Variants in KIFAP3 observed in about 807,000 individuals in gnomAD.
KIFAP3 encodes the protein kinesin associated protein 3.
In KIFAP3, 68 loss-of-function variants were observed where a neutral mutation model predicts 106.5. The observed-to-expected ratio is 0.64, with a 90% CI of 0.53 to 0.78. The LOEUF (loss-of-function observed/expected upper bound fraction) is 0.78, where lower values mean the gene tolerates loss of function less well. Ranked by LOEUF, KIFAP3 falls within the 30% of genes least tolerant of loss-of-function variation. The pLI, the probability that KIFAP3 is intolerant of heterozygous loss-of-function variation, is 0.00. For synonymous variants in KIFAP3, 320 were observed against 311.5 expected (o/e 1.03, Z -0.29); for missense variants, 780 against 941.8 (o/e 0.83, Z 2.25).
At chr1:169,932,925 A>AT (rs1319830536) in intron 19 of KIFAP3, among the ~76,000 whole-genome samples, 1 of 151,954 alleles carries the variant, frequency 6.6e-6, no homozygotes, top group Non-Finnish European at 1.5e-5. Context: ...TTGTGTCAAT[A>AT]TTTTTTAGTC....
chr1:169,960,088 T>C (rs1460699394), intron 18 of KIFAP3, among the ~76,000 whole-genome samples: 4 of 152,054 alleles, frequency 2.6e-5, no homozygotes, highest in Non-Finnish European at 5.9e-5. Flanking sequence ...TGAATGAAAG[T>C]GTGAGTGGTA....
At chr1:170,044,824 AATTCCAAGGTGAACAG>A (rs1670160069) in intron 3 of KIFAP3, among the ~76,000 whole-genome samples, 1 of 152,200 alleles carries the variant, frequency 6.6e-6, no homozygotes, top group East Asian at 1.9e-4. Context: ...TATGAATGGC[AATTCCAAGGTGAACAG>A]ACAACAATCT....
intron 1 of KIFAP3, among the ~76,000 whole-genome samples, chr1:170,055,953 G>A (rs761320407): frequency 2.0e-5 from 3 of 151,944 alleles, no homozygotes; most frequent in East Asian, 1.9e-4. Flanking sequence ...GTAACATAGC[G>A]AGACTCTGTT....
chr1:170,079,710 C>A, upstream of KIFAP3, among the ~76,000 whole-genome samples: 1 of 151,626 alleles, frequency 6.6e-6, no homozygotes, highest in South Asian at 2.1e-4. Flanking sequence ...ATGCCTCAAT[C>A]TTTCTTCTTT....
rs774104619 is a variant in KIFAP3 at position 170,024,414 on chromosome 1, T to C, written c.1020+4A>G. On this transcript the variant is annotated splice_donor_region_variant and intron_variant, in intron 9 of 19. Transcript: ENST00000361580. The stretch of plus-strand genomic sequence containing the variant: ...CTATTTCAAGAAAAAGCTTTGTAAG[T>C]TACCATATCATTTTTATTCTCCATA... 3 of 1,538,426 alleles carry C rather than the reference T, an allele frequency of 2.0e-6. No individual in the cohort carries two copies. The African/African-American group carries it at 4.2e-5, about 21-fold the overall frequency.
chr1:169,978,341 A>AAC (rs750044613), intron 15 of KIFAP3, among the ~76,000 whole-genome samples, 158 bp from the exon 16 acceptor site: 56 of 152,192 alleles, frequency 3.7e-4, no homozygotes, highest in Non-Finnish European at 6.2e-4. Context: ...GTAAAATAGT[A>AAC]ACAGTTATCA....
At chr1:169,936,468 T>G (rs1571520231) in intron 19 of KIFAP3, among the ~76,000 whole-genome samples, 1 of 151,884 alleles carries the variant, frequency 6.6e-6, no homozygotes, top group Non-Finnish European at 1.5e-5. Context: ...TTTAAAGAAG[T>G]AATTAAACAC....
intron 10 of KIFAP3, among the ~76,000 whole-genome samples, chr1:170,009,341 C>T (rs763609571): frequency 2.6e-5 from 4 of 151,284 alleles, no homozygotes; most frequent in Non-Finnish European, 4.4e-5. Context: ...TCACACACAA[C>T]AGAAAAAAAA....
chr1:170,026,226 C>T (rs993209427), intron 8 of KIFAP3, among the ~76,000 whole-genome samples: 1 of 152,082 alleles, frequency 6.6e-6, no homozygotes, highest in Admixed American at 6.5e-5. Flanking sequence ...TTTGGCCTTC[C>T]CCCATCCAGA....
At chr1:170,069,778 T>C (rs1353506465) in intron 1 of KIFAP3, among the ~76,000 whole-genome samples, 1 of 152,004 alleles carries the variant, frequency 6.6e-6, no homozygotes, top group Non-Finnish European at 1.5e-5. Context: ...TTATCCACTT[T>C]CCTGACTTCT....
chr1:170,038,062 C>T (rs1345494757), intron 5 of KIFAP3, among the ~76,000 whole-genome samples: 2 of 152,070 alleles, frequency 1.3e-5, no homozygotes, highest in Non-Finnish European at 2.9e-5. Context: ...AAAAAAGCTT[C>T]CCAGAGTAGA....
chr1:170,070,372 AG>A (rs1671644677), intron 1 of KIFAP3, among the ~76,000 whole-genome samples: 1 of 152,290 alleles, frequency 6.6e-6, no homozygotes, highest in Non-Finnish European at 1.5e-5. Flanking sequence ...ACAAAGTTGG[AG>A]GACTCACACT....
At chr1:169,951,087 A>C (rs1408213029) in intron 19 of KIFAP3, among the ~76,000 whole-genome samples, 1 of 151,954 alleles carries the variant, frequency 6.6e-6, no homozygotes, top group Non-Finnish European at 1.5e-5. Flanking sequence ...GTGAAAAAGA[A>C]GACTATGAAT....
intron 15 of KIFAP3, 65 bp downstream of exon 15, chr1:169,981,907 T>C (rs1666544516): frequency 1.6e-6 from 2 of 1,282,002 alleles, no homozygotes; most frequent in South Asian, 2.8e-5. Flanking sequence ...CTGCATTTTA[T>C]ATTTAAATAT....
intron 3 of KIFAP3, among the ~76,000 whole-genome samples, chr1:170,040,172 T>G (rs1669898788): frequency 1.3e-5 from 2 of 152,164 alleles, no homozygotes; most frequent in African/African-American, 4.8e-5. Context: ...ACAGTGGTTT[T>G]AATTATGCAA....
chr1:170,009,193 T>C (rs1348477585), intron 10 of KIFAP3, among the ~76,000 whole-genome samples: 2 of 152,116 alleles, frequency 1.3e-5, no homozygotes, highest in Non-Finnish European at 2.9e-5. Context: ...CCATGGCACA[T>C]GTATACCTAT....
In KIFAP3 at chr1:169,983,964, CACTT is replaced by C. The variant is rs369393882; in HGVS notation, c.1394-586_1394-583del. ...TATTAACAAATATGCTTTATAAAAACACTTAATCACATAAAATATTATTTCAAGA... is the reference window on the plus strand; with the variant it reads ...TATTAACAAATATGCTTTATAAAAACAATCACATAAAATATTATTTCAAGA... On this transcript the variant is annotated intron_variant, in intron 12 of 19. Coordinates refer to ENST00000361580, the MANE Select transcript of KIFAP3 (RefSeq NM_014970.4). Among the ~76,000 whole-genome samples the C allele has an allele frequency of 3.2e-3, 487 of 151,790 alleles. 15 individuals carry two copies. In the South Asian group the frequency reaches 0.058, roughly 18 times the overall value.
chr1:170,052,070 A>C (rs1571736866), intron 2 of KIFAP3, among the ~76,000 whole-genome samples: 1 of 152,096 alleles, frequency 6.6e-6, no homozygotes, highest in African/African-American at 2.4e-5. Context: ...TTTTTTCAAA[A>C]AAATTAACAA....
intron 10 of KIFAP3, among the ~76,000 whole-genome samples, chr1:170,006,574 G>A (rs946298660): frequency 1.3e-5 from 2 of 152,106 alleles, no homozygotes; most frequent in Non-Finnish European, 2.9e-5. Context: ...TGAAGATAGA[G>A]CTGACTGGAT....
Sources: gnomAD v4.1 joint callset for allele counts (sites outside exome capture counted in the v4.1 genomes callset) on GRCh38, gnomAD v4.1.1 for gene constraint, MANE v1.5 for transcripts, NCBI Gene and HGNC (gene_info 2026-07-23, HGNC 2026-07-21) for gene names.